Variants in PDE1C observed in about 807,000 individuals in gnomAD.
The protein encoded by PDE1C is phosphodiesterase 1C.
In PDE1C, 62 loss-of-function variants were observed where a neutral mutation model predicts 93.1. The ratio of observed to expected loss-of-function variants is 0.67; its 90% CI spans 0.54 to 0.82. PDE1C has a LOEUF of 0.82. Among genes scored for constraint, PDE1C ranks in the 40% least tolerant of loss-of-function variants. The pLI, the probability that PDE1C is intolerant of heterozygous loss-of-function variation, is 0.00. For missense variants in PDE1C, 742 were observed against 884.6 expected (o/e 0.84, Z 2.04); for synonymous variants, 325 against 310.1 (o/e 1.05, Z -0.50).
intron 1 of PDE1C, among the ~76,000 whole-genome samples, chr7:32,312,276 A>G (rs1339971875): frequency 6.6e-5 from 10 of 152,130 alleles, no homozygotes; most frequent in Non-Finnish European, 1.2e-4. Context: ...AAATGGAAGA[A>G]CATTCCATGC....
intron 1 of PDE1C, among the ~76,000 whole-genome samples, chr7:32,371,833 G>A (rs1410855069): frequency 6.6e-6 from 1 of 152,092 alleles, no homozygotes; most frequent in Non-Finnish European, 1.5e-5. Flanking sequence ...TTAACAAGCT[G>A]ATCCTAAAAG....
At chr7:31,965,523 G>C (rs956650938) in intron 2 of PDE1C, among the ~76,000 whole-genome samples, 1 of 152,168 alleles carries the variant, frequency 6.6e-6, no homozygotes, top group African/African-American at 2.4e-5. Context: ...AACCAAGTTA[G>C]GAAACACTCT....
intron 1 of PDE1C, among the ~76,000 whole-genome samples, chr7:32,311,065 G>C (rs528021527): frequency 6.6e-6 from 1 of 152,094 alleles, no homozygotes; most frequent in East Asian, 1.9e-4. Flanking sequence ...AAATGATAAA[G>C]AAGATATCAC....
chr7:32,216,449 A>T (rs1328527932), intron 1 of PDE1C, among the ~76,000 whole-genome samples: 1 of 152,200 alleles, frequency 6.6e-6, no homozygotes, highest in Non-Finnish European at 1.5e-5. Context: ...CTATCTCCCC[A>T]GTGCCCAAGT....
chr7:31,637,041 C>T, the PDE1C span, among the ~76,000 whole-genome samples: 1 of 151,906 alleles, frequency 6.6e-6, no homozygotes, highest in South Asian at 2.1e-4. Context: ...CAGCTTCATC[C>T]ATGTCCCTAC....
chr7:31,926,077 C>T (rs1803340116), intron 2 of PDE1C, among the ~76,000 whole-genome samples: 1 of 151,936 alleles, frequency 6.6e-6, no homozygotes, highest in Non-Finnish European at 1.5e-5. Context: ...GAATATTATG[C>T]TTTATATTCA....
intron 1 of PDE1C, among the ~76,000 whole-genome samples, chr7:32,263,024 G>A (rs1810323820): frequency 6.6e-6 from 1 of 152,126 alleles, no homozygotes; most frequent in African/African-American, 2.4e-5. Flanking sequence ...GTGATTACCA[G>A]AGTCCAGTTT....
chr7:31,658,289 A>G, the PDE1C span: 1 of 1,504,678 alleles, frequency 6.6e-7, no homozygotes, highest in Admixed American at 2.4e-5. Context: ...TTGTCTGCAG[A>G]GCTGGATCCC....
chr7:32,219,084 C>A (rs995269247), intron 1 of PDE1C, among the ~76,000 whole-genome samples: 1 of 152,216 alleles, frequency 6.6e-6, no homozygotes, highest in Non-Finnish European at 1.5e-5. Context: ...TCAGGCCAAG[C>A]TACCAGGCCC....
intron 3 of PDE1C, among the ~76,000 whole-genome samples, chr7:32,091,676 C>G (rs58057425): frequency 0.63 from 95,168 of 152,016 alleles, 30,104 homozygotes; most frequent in African/African-American, 0.71. Context: ...TAAGAAATGA[C>G]GCTGGAGAGA....
chr7:32,364,443 A>G (rs1029184887), intron 1 of PDE1C, among the ~76,000 whole-genome samples: 2 of 152,116 alleles, frequency 1.3e-5, no homozygotes, highest in African/African-American at 4.8e-5. Flanking sequence ...CTGCAGCCCC[A>G]TTTCCTCCAC....
intron 2 of PDE1C, among the ~76,000 whole-genome samples, chr7:31,895,362 G>A (rs972201996): frequency 4.4e-4 from 67 of 152,234 alleles, no homozygotes; most frequent in African/African-American, 1.5e-3. Context: ...ATGTCACTAA[G>A]ACTTCCTGTG....
chr7:31,793,405 T>C (rs1239259473), intron 16 of PDE1C, among the ~76,000 whole-genome samples: 1 of 152,068 alleles, frequency 6.6e-6, no homozygotes, highest in Non-Finnish European at 1.5e-5. Context: ...TACAGCCTGA[T>C]TCAACTATCA....
the PDE1C span, among the ~76,000 whole-genome samples, chr7:31,699,433 A>G: frequency 6.6e-6 from 1 of 152,196 alleles, no homozygotes; most frequent in Non-Finnish European, 1.5e-5. Flanking sequence ...AGCAGTTTTA[A>G]TATTGGTCAA....
chr7:32,308,476 A>AC (rs1017592927), intron 1 of PDE1C, among the ~76,000 whole-genome samples: 1 of 152,162 alleles, frequency 6.6e-6, no homozygotes, highest in South Asian at 2.1e-4. Context: ...ACTGGGAGGC[A>AC]CCCCCCAGTA....
chr7:31,812,982 A>T (rs1787735012), intron 15 of PDE1C, among the ~76,000 whole-genome samples: 1 of 152,092 alleles, frequency 6.6e-6, no homozygotes, highest in African/African-American at 2.4e-5. Context: ...TCCCACCCAC[A>T]ACATGGGAAT....
At chr7:32,009,353 C>G (rs973057495) in intron 2 of PDE1C, among the ~76,000 whole-genome samples, 24 of 151,896 alleles carry the variant, frequency 1.6e-4, no homozygotes, top group African/African-American at 5.8e-4. Context: ...GACAGCATAC[C>G]AGAGAAAAAA....
At chr7:32,375,879 T>C (rs542318316) in intron 1 of PDE1C, among the ~76,000 whole-genome samples, 34 of 152,296 alleles carry the variant, frequency 2.2e-4, no homozygotes, top group Admixed American at 2.0e-3. Context: ...CAACCAGGCC[T>C]GGTGCAGTGG....
At chr7:32,081,946 G>C (rs1477106495) in intron 3 of PDE1C, among the ~76,000 whole-genome samples, 1 of 152,216 alleles carries the variant, frequency 6.6e-6, no homozygotes, top group African/African-American at 2.4e-5. Context: ...CAGAAGATGG[G>C]TGATTTCTGC....
Sources: gnomAD v4.1 joint callset for allele counts (sites outside exome capture counted in the v4.1 genomes callset) on GRCh38, gnomAD v4.1.1 for gene constraint, MANE v1.5 for transcripts, NCBI Gene and HGNC (gene_info 2026-07-23, HGNC 2026-07-21) for gene names.